The following LMBR1 variants were observed in gnomAD, a reference collection of about 807,000 sequenced individuals.
LMBR1 encodes the protein limb development membrane protein 1.
Under a neutral mutation model 73.9 loss-of-function variants are expected in LMBR1, and 52 were observed. That is an observed-to-expected ratio of 0.70 (90% CI 0.56 to 0.89). The LOEUF (loss-of-function observed/expected upper bound fraction) is 0.89. Ranked by LOEUF, LMBR1 falls within the 40% of genes least tolerant of loss-of-function variation. The probability of loss-of-function intolerance (pLI) is 0.00; values close to 1 mark genes in which losing one functional copy is unlikely to be tolerated. For missense variants in LMBR1, 539 were observed against 579.8 expected (o/e 0.93, Z 0.72); for synonymous variants, 215 against 209.4 (o/e 1.03, Z -0.23).
intron 4 of LMBR1, among the ~76,000 whole-genome samples, chr7:156,812,077 T>C (rs111590247): frequency 0.038 from 5,766 of 152,262 alleles, 161 homozygotes; most frequent in Middle Eastern, 0.054. Flanking sequence ...GATGACTTCA[T>C]CTTCACTAAT....
intron 4 of LMBR1, among the ~76,000 whole-genome samples, chr7:156,820,014 G>A (rs1433353213): frequency 1.3e-5 from 2 of 152,182 alleles, no homozygotes; most frequent in African/African-American, 2.4e-5. Context: ...GGATTTCAGA[G>A]ATTACTGCCA....
At chr7:156,714,400 G>T (rs533969651) in intron 15 of LMBR1, among the ~76,000 whole-genome samples, 22 of 152,114 alleles carry the variant, frequency 1.4e-4, no homozygotes, top group African/African-American at 5.3e-4. Context: ...AAAATTACTC[G>T]CAGTAAACAA....
At chr7:156,823,521 T>C (rs1407743387) in intron 4 of LMBR1, 1 of 152,190 alleles carries the variant, frequency 6.6e-6, no homozygotes, top group Admixed American at 6.5e-5. Flanking sequence ...GTGAAATGTT[T>C]CACAAAGAGG....
At chr7:156,708,034 T>TAAA (rs779179620) in intron 15 of LMBR1, among the ~76,000 whole-genome samples, 3 of 114,932 alleles carry the variant, frequency 2.6e-5, no homozygotes, top group African/African-American at 9.7e-5. Context: ...CATTTCTATA[T>TAAA]AAAAAAAAAA....
At chr7:156,786,597 A>AATG (rs1206943272) in intron 5 of LMBR1, among the ~76,000 whole-genome samples, 1 of 152,228 alleles carries the variant, frequency 6.6e-6, no homozygotes, top group East Asian at 1.9e-4. Context: ...ACTTTGAAGG[A>AATG]ATGATAACAC....
chr7:156,705,994 G>A (rs909635666), intron 15 of LMBR1, among the ~76,000 whole-genome samples: 1 of 152,012 alleles, frequency 6.6e-6, no homozygotes, highest in Middle Eastern at 3.2e-3. Flanking sequence ...TGGTGGAATG[G>A]ATAGAGAAAA....
intron 5 of LMBR1, among the ~76,000 whole-genome samples, chr7:156,786,167 GAAGGAAGGAGGGAGGA>G: frequency 6.7e-6 from 1 of 149,356 alleles, no homozygotes; most frequent in Non-Finnish European, 1.5e-5. Flanking sequence ...GGGAAGGAAG[GAAGGAAGGAGGGAGGA>G]AAGGAAGGAG....
intron 4 of LMBR1, 36 bp downstream of exon 4, chr7:156,826,561 AATTAAAAT>A: frequency 8.1e-7 from 1 of 1,238,834 alleles, no homozygotes; most frequent in South Asian, 2.5e-5. Context: ...TGCAGTAAAA[AATTAAAAT>A]ATTAATTGTG....
intron 5 of LMBR1, among the ~76,000 whole-genome samples, chr7:156,782,335 A>T (rs981480379): frequency 6.6e-6 from 1 of 152,220 alleles, no homozygotes; most frequent in African/African-American, 2.4e-5. Flanking sequence ...GTATATCCAG[A>T]AGTGGAATTG....
chr7:156,704,087 AT>A (rs1391884162), intron 15 of LMBR1, among the ~76,000 whole-genome samples: 2 of 152,170 alleles, frequency 1.3e-5, no homozygotes, highest in Non-Finnish European at 2.9e-5. Context: ...CCACTTACCC[AT>A]TCAGCATACA....
At chr7:156,829,151 C>G (rs1294521968) in intron 3 of LMBR1, among the ~76,000 whole-genome samples, 2 of 152,236 alleles carry the variant, frequency 1.3e-5, no homozygotes, top group Non-Finnish European at 2.9e-5. Context: ...TCTCGTGCCC[C>G]TTTATTCAGG....
At chr7:156,734,595 T>C (rs894966097) in intron 9 of LMBR1, among the ~76,000 whole-genome samples, 1 of 152,176 alleles carries the variant, frequency 6.6e-6, no homozygotes, top group Non-Finnish European at 1.5e-5. Context: ...CACACCACTA[T>C]ACATCCATGT....
At position 156,723,096 on chromosome 7, in the gene LMBR1, T is replaced by C. The variant is rs190566249; in HGVS notation, c.1225+1016A>G. Among the ~76,000 whole-genome samples the C allele has an allele frequency of 1.7e-3, 262 of 152,232 alleles. 1 individual carries two copies. Among genetic ancestry groups the C allele is most frequent in the Admixed American group, 3.3e-3 (50 of 15,282 alleles). ...AAAGCAAACACAAAAGAAATAAGAC[T>C]ATTACACACACCAGTTTTTTATTAG... On this transcript the variant is annotated intron_variant, in intron 15 of 16. Transcript: ENST00000353442.
At chr7:156,870,292 A>G (rs1302738133) in intron 1 of LMBR1, among the ~76,000 whole-genome samples, 1 of 152,248 alleles carries the variant, frequency 6.6e-6, no homozygotes, top group Non-Finnish European at 1.5e-5. Flanking sequence ...ATACTTCTCC[A>G]GGAGAGAACA....
chr7:156,675,025 G>C (rs879654799), downstream of LMBR1, among the ~76,000 whole-genome samples: 2 of 152,208 alleles, frequency 1.3e-5, no homozygotes, highest in Non-Finnish European at 2.9e-5. Context: ...TGTAAGTTAA[G>C]CTTAACGAGA....
At chr7:156,760,800 A>G (rs951999373) in intron 8 of LMBR1, among the ~76,000 whole-genome samples, 3 of 152,252 alleles carry the variant, frequency 2.0e-5, no homozygotes, top group African/African-American at 7.2e-5. Flanking sequence ...AGCATTTACT[A>G]AAAGTATAGC....
chr7:156,863,803 G>A (rs1798060353), intron 1 of LMBR1, among the ~76,000 whole-genome samples: 1 of 151,946 alleles, frequency 6.6e-6, no homozygotes. Context: ...GGATTAATAA[G>A]GCAGGAGCTT....
chr7:156,767,166 C>T (rs951774025), intron 5 of LMBR1, among the ~76,000 whole-genome samples: 3 of 151,994 alleles, frequency 2.0e-5, no homozygotes, highest in Non-Finnish European at 2.9e-5. Context: ...GTGTAAAAGC[C>T]GTACAGACCC....
intron 1 of LMBR1, among the ~76,000 whole-genome samples, chr7:156,857,570 A>G (rs1797143511): frequency 6.6e-6 from 1 of 152,246 alleles, no homozygotes; most frequent in South Asian, 2.1e-4. Flanking sequence ...CAGTAAGGGT[A>G]CATAGTTGAA....
Sources: gnomAD v4.1 joint callset for allele counts (sites outside exome capture counted in the v4.1 genomes callset) on GRCh38, gnomAD v4.1.1 for gene constraint, MANE v1.5 for transcripts, NCBI Gene and HGNC (gene_info 2026-07-23, HGNC 2026-07-21) for gene names.